FRMD4A: variants seen among roughly 807,000 people sequenced by gnomAD.
FRMD4A encodes the protein FERM domain-containing protein 4A.
FRMD4A carries 29 observed loss-of-function variants against 129.1 expected under a neutral mutation model. The ratio of observed to expected loss-of-function variants is 0.22; its 90% CI spans 0.17 to 0.31. The LOEUF (loss-of-function observed/expected upper bound fraction) is 0.31. FRMD4A is among the 10% of genes least tolerant of loss of function. FRMD4A has a pLI of 1.00. For synonymous variants in FRMD4A, 634 were observed against 571.6 expected (o/e 1.11, Z -1.56); for missense variants, 1,272 against 1,375.8 (o/e 0.92, Z 1.19).
chr10:14,049,012 G>A (rs1834130879), intron 2 of FRMD4A, among the ~76,000 whole-genome samples: 1 of 152,168 alleles, frequency 6.6e-6, no homozygotes, highest in African/African-American at 2.4e-5. Flanking sequence ...TGCTTGGAAG[G>A]ATTGCAGCCA....
chr10:14,204,187 G>A (rs1358648997), intron 2 of FRMD4A, among the ~76,000 whole-genome samples: 1 of 152,154 alleles, frequency 6.6e-6, no homozygotes, highest in Admixed American at 6.5e-5. Context: ...ACTTTGGGAG[G>A]CCGAGGTGGG....
At chr10:13,836,468 T>G (rs1395623189) in intron 3 of FRMD4A, among the ~76,000 whole-genome samples, 1 of 152,148 alleles carries the variant, frequency 6.6e-6, no homozygotes, top group Non-Finnish European at 1.5e-5. Context: ...AATTGACAAT[T>G]CTTTGGGGGG....
intron 2 of FRMD4A, among the ~76,000 whole-genome samples, chr10:14,223,442 C>G (rs1589191290): frequency 2.0e-5 from 3 of 152,052 alleles, no homozygotes; most frequent in Non-Finnish European, 4.4e-5. Context: ...GTTCTTGGCT[C>G]AAAAAGAGCC....
At chr10:13,790,620 G>A (rs990369986) in intron 5 of FRMD4A, among the ~76,000 whole-genome samples, 1 of 152,194 alleles carries the variant, frequency 6.6e-6, no homozygotes, top group African/African-American at 2.4e-5. Context: ...GTTCGAATGA[G>A]CCCAGAGCCA....
intron 14 of FRMD4A, among the ~76,000 whole-genome samples, chr10:13,695,770 G>C (rs769259283): frequency 1.3e-5 from 2 of 152,204 alleles, no homozygotes; most frequent in Non-Finnish European, 2.9e-5. Flanking sequence ...CATGGGGGCG[G>C]TGGTGAAGGC....
At chr10:14,090,020 C>A (rs1171392733) in intron 2 of FRMD4A, among the ~76,000 whole-genome samples, 2 of 152,218 alleles carry the variant, frequency 1.3e-5, no homozygotes, top group African/African-American at 4.8e-5. Context: ...GATGGCAGCA[C>A]TCTGAGTGTG....
At chr10:14,185,706 AC>A (rs1842108553) in intron 2 of FRMD4A, among the ~76,000 whole-genome samples, 1 of 152,180 alleles carries the variant, frequency 6.6e-6, no homozygotes, top group Non-Finnish European at 1.5e-5. Context: ...CAACAGTGGC[AC>A]CTTCAGTAGT....
At chr10:13,713,850 C>T (rs56055425) in intron 12 of FRMD4A, among the ~76,000 whole-genome samples, 1 of 2,332 alleles carries the variant, frequency 4.3e-4, no homozygotes, top group Non-Finnish European at 6.6e-4. Context: ...TATATATACA[C>T]ATATATATAA....
intron 2 of FRMD4A, among the ~76,000 whole-genome samples, chr10:13,985,879 G>C (rs1346557108): frequency 6.6e-6 from 1 of 152,224 alleles, no homozygotes; most frequent in African/African-American, 2.4e-5. Flanking sequence ...GAGCAGGCTG[G>C]CAGCTTTTCA....
At chr10:13,923,493 C>A (rs750395332) in intron 2 of FRMD4A, among the ~76,000 whole-genome samples, 8 of 152,136 alleles carry the variant, frequency 5.3e-5, no homozygotes, top group Non-Finnish European at 8.8e-5. Context: ...TGTGCACATA[C>A]GTACACACAC....
chr10:14,013,852 G>A (rs1268121110), intron 2 of FRMD4A, among the ~76,000 whole-genome samples: 1 of 152,166 alleles, frequency 6.6e-6, no homozygotes, highest in Non-Finnish European at 1.5e-5. Context: ...AATCACTTGA[G>A]CCTGGGAGGC....
intron 2 of FRMD4A, among the ~76,000 whole-genome samples, chr10:13,921,236 T>TTCTTTCTCTCTTTCTC (rs1405450954): frequency 5.2e-4 from 5 of 9,570 alleles, no homozygotes; most frequent in African/African-American, 1.8e-3. Context: ...TTCTCTCTCT[T>TTCTTTCTCTCTTTCTC]TCTTTCTCTC....
At position 13,713,857 on chromosome 10, in the gene FRMD4A, ATAAT is replaced by A. The variant is rs1318989314; in HGVS notation, c.760-6748_760-6745del. ...ATATGTAATATATATACACATATAT[ATAAT>A]ATATATACATATATGTAATATATAT... On this transcript the variant is annotated intron_variant, in intron 12 of 24. Coordinates refer to ENST00000357447, the MANE Select transcript of FRMD4A (RefSeq NM_018027.5). Among the ~76,000 whole-genome samples the A allele has an allele frequency of 6.8e-3, 15 of 2,194 alleles. 2 individuals carry two copies. Among genetic ancestry groups the A allele is most frequent in the Admixed American group, 0.021 (3 of 146 alleles). The allele number at this position is 2,194 out of a possible 152,430, so 1.4% of individuals were successfully genotyped here.
intron 4 of FRMD4A, among the ~76,000 whole-genome samples, chr10:13,801,372 CT>C (rs1418318825): frequency 2.6e-5 from 4 of 152,212 alleles, no homozygotes; most frequent in Non-Finnish European, 4.4e-5. Context: ...AATGAATTTC[CT>C]TCCTCCACTT....
intron 2 of FRMD4A, among the ~76,000 whole-genome samples, chr10:14,185,473 T>G (rs992871122): frequency 4.6e-5 from 7 of 152,216 alleles, no homozygotes; most frequent in South Asian, 2.1e-4. Context: ...CAAAAAACAT[T>G]ACAACATTTT....
rs562266056 is a variant in FRMD4A, at chr10:13,748,348, A to G, written c.465-529T>C. ...AACTGTTTTCTGAAATATGACAAAT[A>G]AATACTGATGGAGTCTCCTTTATCG... On this transcript the variant is annotated intron_variant, in intron 8 of 24. Coordinates refer to ENST00000357447, the MANE Select transcript of FRMD4A (RefSeq NM_018027.5). 3.2e-4 allele frequency among the ~76,000 whole-genome samples: 48 copies of G among 152,322 alleles called. No individual in the cohort carries two copies. In the South Asian group the frequency reaches 9.7e-3, roughly 31 times the overall value.
At chr10:13,651,683 A>T (rs1401634621) in intron 24 of FRMD4A, 1 of 556,970 alleles carries the variant, frequency 1.8e-6, no homozygotes, top group African/African-American at 1.9e-5. Context: ...AAAACAAAAC[A>T]TACTCTGGGG....
At chr10:13,898,753 G>A (rs2094786714) in intron 2 of FRMD4A, among the ~76,000 whole-genome samples, 2 of 152,214 alleles carry the variant, frequency 1.3e-5, no homozygotes, top group East Asian at 3.8e-4. Context: ...GCTGAGGACA[G>A]GAGACAAGGT....
chr10:13,933,846 G>A (rs2095225178), intron 2 of FRMD4A, among the ~76,000 whole-genome samples: 1 of 152,184 alleles, frequency 6.6e-6, no homozygotes. Flanking sequence ...TAGGGGAGCA[G>A]GGGGCAGGTG....
Sources: allele counts gnomAD v4.1 joint callset (sites outside exome capture counted in the v4.1 genomes callset), GRCh38; gene constraint gnomAD v4.1.1; transcripts MANE v1.5; gene names NCBI Gene and HGNC (gene_info 2026-07-23, HGNC 2026-07-21).